CSMD3: variants seen among roughly 807,000 people sequenced by gnomAD.
CSMD3 encodes CUB and sushi domain-containing protein 3.
A neutral mutation model predicts 435.2 loss-of-function variants in CSMD3; 177 were observed. The ratio of observed to expected loss-of-function variants is 0.41; its 90% CI spans 0.36 to 0.46. The LOEUF is 0.46. Ranked by LOEUF, CSMD3 falls within the 20% of genes least tolerant of loss-of-function variation. CSMD3 has a pLI of 0.34. For synonymous variants in CSMD3, 1,656 were observed against 1,520.5 expected, an observed-to-expected ratio of 1.09 and a Z score of -2.07; for missense variants, 4,265 against 4,504.6, an observed-to-expected ratio of 0.95 and a Z score of 1.52.
rs181817678 is a variant in CSMD3, at chr8:112,940,122, A to T, written c.1508+7668T>A. On this transcript the variant is annotated intron_variant, in intron 9 of 70. Coordinates refer to ENST00000297405, the MANE Select transcript of CSMD3 (RefSeq NM_198123.2). Reference sequence around the variant, plus strand: ...GAAGAATGAGTGAAAATGACTTTATATTCAAAAGTATGGTTGATTTACATT... The same window carrying T: ...GAAGAATGAGTGAAAATGACTTTATTTTCAAAAGTATGGTTGATTTACATT... 2.0e-3 allele frequency among the ~76,000 whole-genome samples: 303 copies of T among 152,098 alleles called. 1 individual carries two copies. Among genetic ancestry groups the T allele is most frequent in the Middle Eastern group, 6.8e-3 (2 of 294 alleles).
At chr8:112,319,119 A>G (rs1822748926) in intron 46 of CSMD3, among the ~76,000 whole-genome samples, 169 bp from the exon 47 acceptor site, 1 of 152,156 alleles carries the variant, frequency 6.6e-6, no homozygotes, top group Non-Finnish European at 1.5e-5. Flanking sequence ...AAACCAGTAT[A>G]TAATACTCAT....
At chr8:112,485,309 T>A (rs1198989680) in intron 31 of CSMD3, among the ~76,000 whole-genome samples, 1 of 152,150 alleles carries the variant, frequency 6.6e-6, no homozygotes, top group Non-Finnish European at 1.5e-5. Flanking sequence ...GTGAACAAAA[T>A]TCCTGTGTGC....
At chr8:112,899,506 T>C (rs970479190) in intron 10 of CSMD3, among the ~76,000 whole-genome samples, 1 of 144,214 alleles carries the variant, frequency 6.9e-6, no homozygotes, top group Non-Finnish European at 1.5e-5. Context: ...CTTCTTACTA[T>C]ATATTTTCTA....
intron 4 of CSMD3, among the ~76,000 whole-genome samples, chr8:113,155,900 T>C (rs956654378): frequency 2.0e-5 from 3 of 152,080 alleles, no homozygotes; most frequent in African/African-American, 4.8e-5. Flanking sequence ...TAAAAACTGT[T>C]GGAAGGTGGA....
At position 112,708,779 on chromosome 8, in the gene CSMD3, G is replaced by A. The variant is rs1304539468; in HGVS notation, c.1973-18729C>T. On this transcript the variant is annotated intron_variant, in intron 13 of 70. Transcript: ENST00000297405. ...CTAAACCACAACCTCTGCAACAATC[G>A]AGAGCAAAAAAGGTCGGACTTGGTC... 4.0e-5 allele frequency among the ~76,000 whole-genome samples: 6 copies of A among 149,504 alleles called. No homozygotes were observed. The East Asian group carries it at 7.9e-4, about 20-fold the overall frequency.
At chr8:112,492,805 A>G in intron 30 of CSMD3, 122 bp from the exon 31 acceptor site, 1 of 810,618 alleles carries the variant, frequency 1.2e-6, no homozygotes, top group South Asian at 1.4e-5. Flanking sequence ...AAAAAACTGT[A>G]TCTGTACTGA....
chr8:113,061,718 T>C (rs1239555353), intron 5 of CSMD3, among the ~76,000 whole-genome samples: 1 of 152,048 alleles, frequency 6.6e-6, no homozygotes, highest in Non-Finnish European at 1.5e-5. Flanking sequence ...GAAGCATTTT[T>C]ATTTAATGTT....
At position 112,781,658 on chromosome 8, in the gene CSMD3, C is replaced by A. The variant is rs183537706; in HGVS notation, c.1972+18504G>T. 2.5e-3 allele frequency among the ~76,000 whole-genome samples: 375 copies of A among 152,224 alleles called. 5 individuals carry two copies. Among genetic ancestry groups the A allele is most frequent in the Non-Finnish European group, 7.6e-4 (52 of 68,018 alleles). On this transcript the variant is annotated intron_variant, in intron 13 of 70. Coordinates refer to ENST00000297405, the MANE Select transcript of CSMD3 (RefSeq NM_198123.2). ...TGTGATGGCTTCAGCTGTGACCCAA[C>A]ATAGCCCCAGTGGTGCTGACCACAG...
chr8:112,550,952 T>C (rs1827627093), intron 26 of CSMD3, 79 bp from the exon 27 acceptor site: 1 of 946,440 alleles, frequency 1.1e-6, no homozygotes, highest in African/African-American at 1.6e-5. Context: ...ATGTGCATTA[T>C]GCCTTTTACT....
chr8:112,379,845 C>T (rs1829308018), intron 38 of CSMD3, among the ~76,000 whole-genome samples: 2 of 152,118 alleles, frequency 1.3e-5, no homozygotes, highest in Non-Finnish European at 1.5e-5. Context: ...CCAGATGAAC[C>T]TGGAGGACAT....
intron 70 of CSMD3, among the ~76,000 whole-genome samples, chr8:112,225,754 C>G (rs11986050): frequency 6.6e-5 from 10 of 152,096 alleles, no homozygotes; most frequent in Non-Finnish European, 1.0e-4. Context: ...TACTCTCATA[C>G]TCAAGTCATG....
Position 113,178,776 on chromosome 8 carries a change from C to A in CSMD3, c.515-4860G>T, listed in dbSNP as rs77929935. On this transcript the variant is annotated intron_variant, in intron 3 of 70. Transcript: ENST00000297405. Reference sequence around the variant, plus strand: ...GTAATAGTTATTAGGTTTGGCAATACAATGAAGACAGGTTTCATGGAAATG... The same window carrying A: ...GTAATAGTTATTAGGTTTGGCAATAAAATGAAGACAGGTTTCATGGAAATG... Among the ~76,000 whole-genome samples, 1,133 of 151,824 alleles carry A rather than the reference C, an allele frequency of 7.5e-3. 14 individuals carry two copies. The highest frequency in any genetic ancestry group is 0.026 in the African/African-American group (1,062 of 41,494).
chr8:113,092,908 A>G (rs2090050830), intron 5 of CSMD3, among the ~76,000 whole-genome samples: 1 of 152,100 alleles, frequency 6.6e-6, no homozygotes, highest in South Asian at 2.1e-4. Flanking sequence ...CATTTTGCTT[A>G]TATTTTCTTT....
intron 38 of CSMD3, among the ~76,000 whole-genome samples, chr8:112,356,640 C>G (rs981065334): frequency 6.6e-6 from 1 of 151,144 alleles, no homozygotes; most frequent in Non-Finnish European, 1.5e-5. Context: ...TGAATTCCCA[C>G]GTGTTGTGGG....
chr8:112,721,291 T>A (rs1029253719), intron 13 of CSMD3, among the ~76,000 whole-genome samples: 1 of 152,136 alleles, frequency 6.6e-6, no homozygotes, highest in South Asian at 2.1e-4. Flanking sequence ...TGTTAAAATA[T>A]TGGCCGGGCA....
intron 32 of CSMD3, among the ~76,000 whole-genome samples, chr8:112,438,762 TA>T (rs1239749125): frequency 6.6e-6 from 1 of 152,218 alleles, no homozygotes. Flanking sequence ...GAAAGACTCA[TA>T]AAAGGGTAGT....
At chr8:112,989,509 T>C (rs1400780115) in intron 6 of CSMD3, among the ~76,000 whole-genome samples, 1 of 152,024 alleles carries the variant, frequency 6.6e-6, no homozygotes, top group Non-Finnish European at 1.5e-5. Flanking sequence ...TAGAATGCAA[T>C]GGTGAGCATG....
intron 6 of CSMD3, among the ~76,000 whole-genome samples, chr8:113,016,912 A>T (rs1027109097): frequency 1.3e-5 from 2 of 151,918 alleles, no homozygotes; most frequent in African/African-American, 4.8e-5. Context: ...TTTACTTCTC[A>T]ATTGAATGTA....
At chr8:113,200,056 C>T (rs2092700793) in intron 3 of CSMD3, among the ~76,000 whole-genome samples, 1 of 151,936 alleles carries the variant, frequency 6.6e-6, no homozygotes, top group African/African-American at 2.4e-5. Context: ...TTAGATGCCT[C>T]ATGGGAATCT....
Sources: gnomAD v4.1 joint callset for allele counts (sites outside exome capture counted in the v4.1 genomes callset) on GRCh38, gnomAD v4.1.1 for gene constraint, MANE v1.5 for transcripts, NCBI Gene and HGNC (gene_info 2026-07-23, HGNC 2026-07-21) for gene names.